The following PRKN variants were observed in gnomAD, a reference collection of about 807,000 sequenced individuals.
PRKN encodes E3 ubiquitin-protein ligase parkin.
A neutral mutation model predicts 59.5 loss-of-function variants in PRKN; 56 were observed. That is an observed-to-expected ratio of 0.94 (90% CI 0.76 to 1.18). The LOEUF is 1.18. Among genes scored for constraint, PRKN ranks in the 50% most tolerant of loss-of-function variants. The pLI is 0.00. For synonymous variants in PRKN, 250 were observed against 222.1 expected (o/e 1.13, Z -1.12); for missense variants, 657 against 596.4 (o/e 1.10, Z -1.06).
chr6:161,567,082 AG>A (rs1409412918), intron 8 of PRKN, among the ~76,000 whole-genome samples: 12 of 145,872 alleles, frequency 8.2e-5, no homozygotes, highest in Non-Finnish European at 6.0e-5. Context: ...TCTGTAACAA[AG>A]ACTAGACTGC....
At chr6:162,405,599 G>A (rs1562738878) in intron 2 of PRKN, among the ~76,000 whole-genome samples, 1 of 152,086 alleles carries the variant, frequency 6.6e-6, no homozygotes, top group Non-Finnish European at 1.5e-5. Context: ...AATGTTTTGG[G>A]GGACACGGCC....
chr6:161,779,476 G>A (rs1163184940), intron 7 of PRKN, among the ~76,000 whole-genome samples: 4 of 48,960 alleles, frequency 8.2e-5, no homozygotes, highest in African/African-American at 1.4e-4. Context: ...ATGGAGTCTC[G>A]CTCTGTCACT....
At chr6:161,854,765 T>G (rs968998493) in intron 6 of PRKN, among the ~76,000 whole-genome samples, 6 of 152,050 alleles carry the variant, frequency 3.9e-5, no homozygotes, top group Admixed American at 2.0e-4. Flanking sequence ...AGTGAAAAAC[T>G]CGCATGTCTT....
At chr6:162,675,541 A>T (rs2849535) in intron 1 of PRKN, among the ~76,000 whole-genome samples, 48,364 of 152,002 alleles carry the variant, frequency 0.32, 8,555 homozygotes, top group Non-Finnish European at 0.41. Flanking sequence ...AGGAAACCAA[A>T]GTAATGACAC....
At chr6:162,683,960 G>T (rs180718600) in intron 1 of PRKN, among the ~76,000 whole-genome samples, 2 of 152,176 alleles carry the variant, frequency 1.3e-5, no homozygotes, top group Admixed American at 1.3e-4. Context: ...ATTTGAGAAA[G>T]TAGAATAGTA....
intron 6 of PRKN, among the ~76,000 whole-genome samples, chr6:161,905,908 C>T (rs1315437459): frequency 4.2e-5 from 6 of 141,898 alleles, no homozygotes; most frequent in Non-Finnish European, 9.0e-5. Flanking sequence ...TGCAGTAAGC[C>T]AAGATCACAC....
chr6:161,726,738 A>G (rs1297899394), intron 7 of PRKN, among the ~76,000 whole-genome samples: 1 of 152,236 alleles, frequency 6.6e-6, no homozygotes, highest in Non-Finnish European at 1.5e-5. Flanking sequence ...ATGGAAGAAA[A>G]AAAGAGATAG....
At chr6:161,768,282 C>T (rs922783633) in intron 7 of PRKN, among the ~76,000 whole-genome samples, 6 of 152,114 alleles carry the variant, frequency 3.9e-5, no homozygotes, top group Non-Finnish European at 8.8e-5. Context: ...TAGTGCATCA[C>T]ATATAGTAGG....
At chr6:162,410,297 G>C (rs999503039) in intron 2 of PRKN, among the ~76,000 whole-genome samples, 2 of 152,008 alleles carry the variant, frequency 1.3e-5, no homozygotes, top group Non-Finnish European at 2.9e-5. Flanking sequence ...GAGATCCTCA[G>C]TTCCCCACCC....
intron 1 of PRKN, among the ~76,000 whole-genome samples, chr6:162,560,450 A>C (rs1031197062): frequency 1.3e-5 from 2 of 152,218 alleles, no homozygotes; most frequent in Non-Finnish European, 1.5e-5. Context: ...AAGGTCAAAG[A>C]CATGCAGAGG....
chr6:161,660,856 A>C (rs547816309), intron 7 of PRKN, among the ~76,000 whole-genome samples: 3 of 152,222 alleles, frequency 2.0e-5, no homozygotes, highest in African/African-American at 4.8e-5. Flanking sequence ...GCTGAATCTC[A>C]AACTATTGAT....
rs749641579 is a variant in PRKN, at chr6:161,350,060, T to A, written c.*39A>T. 2 of 1,245,530 alleles carry A rather than the reference T, an allele frequency of 1.6e-6. No individual in the cohort carries two copies. The highest frequency in any genetic ancestry group is 2.4e-6 in the Non-Finnish European group (2 of 847,024). The allele number at this position is 1,245,530 out of a possible 1,614,324, so 77.2% of individuals were successfully genotyped here. On this transcript the variant is annotated 3_prime_UTR_variant, in exon 12 of 12. Transcript: ENST00000366898. ...AAATGAAGGTAGACACTGGGTATGC[T>A]CCCCCAGGATGTGGCGATGGGGCGC...
At chr6:162,159,918 A>T (rs1217423050) in intron 4 of PRKN, among the ~76,000 whole-genome samples, 1 of 152,314 alleles carries the variant, frequency 6.6e-6, no homozygotes, top group South Asian at 2.1e-4. Context: ...GTACCTTGTA[A>T]CATTTTTCAT....
chr6:162,320,608 C>A (rs1000613626), intron 2 of PRKN, among the ~76,000 whole-genome samples: 1 of 151,600 alleles, frequency 6.6e-6, no homozygotes, highest in African/African-American at 2.4e-5. Context: ...CAAGAATTGG[C>A]CAGGATATTG....
intron 2 of PRKN, among the ~76,000 whole-genome samples, chr6:162,419,516 ACTAAGGTTGAGC>A (rs1473777781): frequency 6.2e-5 from 9 of 144,584 alleles, no homozygotes; most frequent in Non-Finnish European, 1.3e-4. Context: ...ACTGAGGCAC[ACTAAGGTTGAGC>A]CAGCAGGTGC....
At chr6:162,653,898 C>T (rs564000425) in intron 1 of PRKN, among the ~76,000 whole-genome samples, 2 of 152,206 alleles carry the variant, frequency 1.3e-5, no homozygotes, top group African/African-American at 4.8e-5. Flanking sequence ...ATTTATAAAA[C>T]AATTTCAATG....
At chr6:161,629,529 T>C (rs1482235248) in intron 7 of PRKN, among the ~76,000 whole-genome samples, 1 of 152,078 alleles carries the variant, frequency 6.6e-6, no homozygotes, top group Non-Finnish European at 1.5e-5. Context: ...CTCCACTACT[T>C]GACCCGTGAA....
rs901581202 is a variant in PRKN, at chr6:161,575,199, A to G, written c.872-5783T>C. Among the ~76,000 whole-genome samples the G allele has an allele frequency of 1.3e-5, 2 of 152,218 alleles. No individual in the cohort carries two copies. Among genetic ancestry groups the G allele is most frequent in the African/African-American group, 4.8e-5 (2 of 41,454 alleles). On this transcript the variant is annotated intron_variant, in intron 7 of 11. Transcript: ENST00000366898. This position sits in a 1 kb window ranked among gnomAD's most constrained non-coding sequence, Gnocchi z 4.6. The stretch of plus-strand genomic sequence containing the variant: ...TTGTTAAAAAGCATATAAACACAGG[A>G]TTGAATCTTATTTTAAAGGACAACT...
intron 4 of PRKN, among the ~76,000 whole-genome samples, chr6:162,113,698 G>A (rs192410345): frequency 1.2e-3 from 182 of 152,280 alleles, no homozygotes; most frequent in African/African-American, 3.8e-3. Context: ...CCAGGACAGC[G>A]TAGTAGTTAT....
Sources: allele counts gnomAD v4.1 joint callset (sites outside exome capture counted in the v4.1 genomes callset), GRCh38; gene constraint gnomAD v4.1.1; non-coding constraint Gnocchi (gnomAD v3.1); transcripts MANE v1.5; gene names NCBI Gene and HGNC (gene_info 2026-07-23, HGNC 2026-07-21).